The following EXOC2 variants were observed in gnomAD, a reference collection of about 807,000 sequenced individuals.
EXOC2 encodes SEC5-like 1.
A neutral mutation model predicts 131.8 loss-of-function variants in EXOC2; 70 were observed. The ratio of observed to expected loss-of-function variants is 0.53; its 90% CI spans 0.44 to 0.65. EXOC2 has a LOEUF of 0.65. Among genes scored for constraint, EXOC2 ranks in the 30% least tolerant of loss-of-function variants. The pLI, the probability that EXOC2 is intolerant of heterozygous loss-of-function variation, is 0.00. For synonymous variants in EXOC2, 411 were observed against 398.4 expected (o/e 1.03, Z -0.38); for missense variants, 923 against 1,108.6 (o/e 0.83, Z 2.38).
chr6:638,758 C>T (rs1408169879), intron 1 of EXOC2, among the ~76,000 whole-genome samples: 2 of 152,102 alleles, frequency 1.3e-5, no homozygotes, highest in African/African-American at 2.4e-5. Context: ...GGTGAAACCC[C>T]GTCTTTACTA....
chr6:656,201 C>A (rs1180121689), intron 1 of EXOC2: 2 of 1,614,056 alleles, frequency 1.2e-6, no homozygotes, highest in African/African-American at 2.7e-5. Flanking sequence ...ACAGGGCCGT[C>A]GTAGGATGTA....
intron 3 of EXOC2, among the ~76,000 whole-genome samples, chr6:632,481 C>T (rs1471270234): frequency 3.3e-5 from 5 of 152,062 alleles, no homozygotes; most frequent in South Asian, 2.1e-4. Flanking sequence ...CTAACAGGGG[C>T]GTTAAAAGCA....
At position 617,788 on chromosome 6, in the gene EXOC2, T is replaced by C. The variant is rs35600069; in HGVS notation, c.584A>G (p.Asn195Ser). 6.8e-6 allele frequency: 11 copies of C among 1,613,680 alleles called. No individual in the cohort carries two copies. The highest frequency in any genetic ancestry group is 9.3e-6 in the Non-Finnish European group (11 of 1,179,806). The part of the protein sequence containing the change: ...MAVTNLKRQA[N>S]KKSEGSLAYV... ...GGCCAGGCTGCCCTCACTCTTCTTGTTAGCCTGTCTCTTTAGGTTGGTGAC... is the reference window on the plus strand; with the variant it reads ...GGCCAGGCTGCCCTCACTCTTCTTGCTAGCCTGTCTCTTTAGGTTGGTGAC... Residue 195 changes from asparagine (N) to serine (S), a missense_variant, in exon 6 of 28, where the codon AAC becomes AGC. Asn to Ser is a conservative substitution (Grantham distance 46). Transcript: ENST00000230449.
chr6:628,863 C>T (rs1761709481), intron 4 of EXOC2, among the ~76,000 whole-genome samples: 1 of 152,208 alleles, frequency 6.6e-6, no homozygotes, highest in Non-Finnish European at 1.5e-5. Context: ...GCACTGGAAT[C>T]CTTAAACGGC....
chr6:533,246 T>G (rs565757610), intron 22 of EXOC2, among the ~76,000 whole-genome samples: 1 of 152,166 alleles, frequency 6.6e-6, no homozygotes, highest in Non-Finnish European at 1.5e-5. Context: ...TAACCACTCA[T>G]TTCTGTACAC....
intron 13 of EXOC2, among the ~76,000 whole-genome samples, chr6:566,972 T>C (rs892972927): frequency 6.6e-6 from 1 of 152,146 alleles, no homozygotes; most frequent in Admixed American, 6.5e-5. Context: ...TTCCTCTCCC[T>C]CACCTGAACA....
chr6:537,530 G>A (rs1391309342), intron 22 of EXOC2, among the ~76,000 whole-genome samples: 1 of 152,192 alleles, frequency 6.6e-6, no homozygotes, highest in Non-Finnish European at 1.5e-5. Context: ...CCGATGGAGT[G>A]TACACTCTGG....
At chr6:563,035 T>TA (rs1296360272) in intron 16 of EXOC2, among the ~76,000 whole-genome samples, 190 bp from the exon 17 acceptor site, 2 of 152,250 alleles carry the variant, frequency 1.3e-5, no homozygotes, top group African/African-American at 4.8e-5. Context: ...TGGATGATTC[T>TA]ACTAAGATAT....
At chr6:593,670 T>C (rs914941574) in intron 10 of EXOC2, among the ~76,000 whole-genome samples, 5 of 152,256 alleles carry the variant, frequency 3.3e-5, no homozygotes, top group Non-Finnish European at 7.3e-5. Flanking sequence ...CAAATGAATT[T>C]ATTGTCTTAA....
intron 1 of EXOC2, among the ~76,000 whole-genome samples, chr6:659,635 A>G (rs1763321106): frequency 6.6e-6 from 1 of 152,152 alleles, no homozygotes; most frequent in Admixed American, 6.5e-5. Context: ...GAAGTTTCCG[A>G]CTTTACCTGG....
intron 23 of EXOC2, among the ~76,000 whole-genome samples, chr6:513,464 C>T (rs958369809): frequency 2.6e-5 from 4 of 152,158 alleles, no homozygotes; most frequent in Non-Finnish European, 4.4e-5. Flanking sequence ...ACAACCCGAC[C>T]GTAGAGTACA....
intron 10 of EXOC2, 63 bp from the exon 11 acceptor site, chr6:592,650 T>C (rs1759606280): frequency 7.9e-7 from 1 of 1,263,492 alleles, no homozygotes; most frequent in Non-Finnish European, 1.1e-6. Flanking sequence ...AAATCATTAC[T>C]TTTTAAAGGC....
rs562923036 is a variant in EXOC2 at position 553,191 on chromosome 6, G to A, written c.2121+663C>T. On this transcript the variant is annotated intron_variant, in intron 21 of 27. Coordinates refer to ENST00000230449, the MANE Select transcript of EXOC2 (RefSeq NM_018303.6). Reference sequence around the variant, plus strand: ...CCTCGGCCTCCTAAAGTGCTGGGATGACAGGCATGACAACCGTGCCTGGCC... The same window carrying A: ...CCTCGGCCTCCTAAAGTGCTGGGATAACAGGCATGACAACCGTGCCTGGCC... 3.9e-5 allele frequency among the ~76,000 whole-genome samples: 6 copies of A among 152,292 alleles called. No individual in the cohort carries two copies. The South Asian group carries it at 1.2e-3, about 32-fold the overall frequency.
intron 7 of EXOC2, among the ~76,000 whole-genome samples, chr6:603,430 C>G (rs772129992): frequency 1.3e-5 from 2 of 152,144 alleles, no homozygotes; most frequent in Non-Finnish European, 2.9e-5. Flanking sequence ...ATGCCTGACA[C>G]TCTGTGTGGA....
intron 11 of EXOC2, 31 bp downstream of exon 11, chr6:592,438 T>C (rs375562609): frequency 2.6e-6 from 4 of 1,565,944 alleles, no homozygotes; most frequent in African/African-American, 1.4e-5. Context: ...CATGAAGGAA[T>C]CACACAACAC....
intron 11 of EXOC2, among the ~76,000 whole-genome samples, chr6:585,131 G>T (rs528425964): frequency 6.6e-6 from 1 of 152,320 alleles, no homozygotes; most frequent in Non-Finnish European, 1.5e-5. Flanking sequence ...GAACATAGGG[G>T]AAGAGAAGCA....
At chr6:625,556 T>C (rs1561940945) in intron 4 of EXOC2, among the ~76,000 whole-genome samples, 2 of 149,738 alleles carry the variant, frequency 1.3e-5, no homozygotes, top group East Asian at 2.0e-4. Flanking sequence ...ACCCAGTTTC[T>C]GGACTTGAAG....
chr6:579,921 AG>A (rs1245659892), intron 11 of EXOC2, among the ~76,000 whole-genome samples: 1 of 152,228 alleles, frequency 6.6e-6, no homozygotes, highest in Non-Finnish European at 1.5e-5. Flanking sequence ...ATATAAAATC[AG>A]CAAAAGTCTT....
At chr6:520,725 C>T (rs1488477732) in intron 23 of EXOC2, among the ~76,000 whole-genome samples, 2 of 134,070 alleles carry the variant, frequency 1.5e-5, no homozygotes, top group Non-Finnish European at 3.1e-5. Context: ...AAAACAACCA[C>T]GCACGGAGCG....
Sources: allele counts gnomAD v4.1 joint callset (sites outside exome capture counted in the v4.1 genomes callset), GRCh38; gene constraint gnomAD v4.1.1; transcripts MANE v1.5; gene names NCBI Gene and HGNC (gene_info 2026-07-23, HGNC 2026-07-21).